The following C18orf63 variants were observed in gnomAD, a reference collection of about 807,000 sequenced individuals.
C18orf63 encodes chromosome 18 open reading frame 63.
In C18orf63, 50 loss-of-function variants were observed where a neutral mutation model predicts 75.3. The ratio of observed to expected loss-of-function variants is 0.66; its 90% CI spans 0.53 to 0.84. The LOEUF is 0.84. Ranked by LOEUF, C18orf63 falls within the 40% of genes least tolerant of loss-of-function variation. C18orf63 has a pLI of 0.00. For missense variants in C18orf63, 732 were observed against 800.2 expected, an observed-to-expected ratio of 0.91 and a Z score of 1.03; for synonymous variants, 232 against 267.6, an observed-to-expected ratio of 0.87 and a Z score of 1.30.
At chr18:74,326,052 T>C (rs1221310452) in intron 4 of C18orf63, among the ~76,000 whole-genome samples, 1 of 152,198 alleles carries the variant, frequency 6.6e-6, no homozygotes. Context: ...CCACCTGGCC[T>C]TCTGAGGAAG....
chr18:74,354,112 T>C lies in C18orf63; in HGVS notation c.1845T>C (p.Asn615=). ...GACTGCTACAGCAGCAATCAGAAAA[T>C]CAAGCTAAAGAAGTTGGTACAAGTG... The part of the protein sequence containing the change: ...DPRLLQQQSE[N]QAKEVGTSDH... Residue 615 remains asparagine (N), a synonymous_variant, in exon 12 of 14, where the codon AAT becomes AAC. Coordinates refer to ENST00000579455, the MANE Select transcript of C18orf63 (RefSeq NM_001174123.2). The C allele has an allele frequency of 6.5e-7, 1 of 1,536,024 alleles. No homozygotes were observed. Among genetic ancestry groups the C allele is most frequent in the Non-Finnish European group, 8.7e-7 (1 of 1,146,898 alleles).
chr18:74,355,801 G>A (rs1240694113), intron 13 of C18orf63, among the ~76,000 whole-genome samples: 1 of 152,152 alleles, frequency 6.6e-6, no homozygotes, highest in Non-Finnish European at 1.5e-5. Flanking sequence ...AGGAGGCTGA[G>A]GCAGAAGAAT....
intron 13 of C18orf63, 31 bp from the exon 14 acceptor site, chr18:74,356,450 G>GTAAAAAAC (rs1984766602): frequency 6.6e-6 from 1 of 152,522 alleles, no homozygotes; most frequent in African/African-American, 2.4e-5. Flanking sequence ...CAAGAAAAAA[G>GTAAAAAAC]TAAAAAACCA....
In C18orf63 at chr18:74,317,848, A is replaced by G; in HGVS notation, c.-18A>G. 6.6e-7 allele frequency: 1 copy of G among 1,515,028 alleles called. No homozygotes were observed. The highest frequency in any genetic ancestry group is 8.8e-7 in the Non-Finnish European group (1 of 1,137,102). The allele number at this position is 1,515,028 out of a possible 1,614,324, so 93.8% of individuals were successfully genotyped here. A position where few individuals can be genotyped will look rare whatever the true frequency, so the allele number is the denominator to read the frequency against. On this transcript the variant is annotated 5_prime_UTR_variant, in exon 2 of 14. Coordinates refer to ENST00000579455, the MANE Select transcript of C18orf63 (RefSeq NM_001174123.2). ...TATTTTTAAAGGCCTGATTGCTGAG[A>G]CACTCAGTCAGGAAAGTATGAATGA... is the stretch of plus-strand genomic sequence containing the variant.
chr18:74,345,872 AT>A (rs1984565441), intron 11 of C18orf63, among the ~76,000 whole-genome samples: 1 of 151,956 alleles, frequency 6.6e-6, no homozygotes, highest in East Asian at 1.9e-4. Flanking sequence ...GATTTTTGAA[AT>A]CTGATAAAGC....
At position 74,357,417 on chromosome 18, in the gene C18orf63, AAG is replaced by A. The variant is rs1335751118; in HGVS notation, c.*974_*975del. ...AATAAATTATCTAACATTTGAAAAA[AAG>A]AGAAACAGAAGTGGAGCTTCTCAGA... is the stretch of plus-strand genomic sequence containing the variant. On this transcript the variant is annotated 3_prime_UTR_variant, in exon 14 of 14. Coordinates refer to ENST00000579455, the MANE Select transcript of C18orf63 (RefSeq NM_001174123.2). The A allele has an allele frequency of 2.6e-5, 4 of 152,358 alleles. No individual in the cohort carries two copies. The East Asian group carries it at 7.7e-4, about 29-fold the overall frequency. 9.4% of individuals were successfully genotyped at this position (152,358 alleles called of 1,614,324 possible).
chr18:74,320,476 A>G (rs1477640482), intron 2 of C18orf63, 37 bp from the exon 3 acceptor site: 5 of 1,413,914 alleles, frequency 3.5e-6, no homozygotes, highest in South Asian at 1.3e-5. Context: ...GAACCAAACC[A>G]TACCAGTCCA....
Position 74,322,747 on chromosome 18 carries a change from GAGCTA to G in C18orf63, c.266_270del (p.Ala89AspfsTer23). ...CTTAATGCCTATGTTGAAAAATATG[GAGCTA>G]AGGTAAGTGTTAAAAAATGATATTA... is the stretch of plus-strand genomic sequence containing the variant. On this transcript the variant is annotated frameshift_variant and splice_region_variant, in exon 4 of 14. Coordinates refer to ENST00000579455, the MANE Select transcript of C18orf63 (RefSeq NM_001174123.2). LOFTEE classifies it high-confidence loss of function. The G allele has an allele frequency of 1.5e-6, 2 of 1,318,642 alleles. No individual in the cohort carries two copies. Among genetic ancestry groups the G allele is most frequent in the Non-Finnish European group, 2.1e-6 (2 of 971,540 alleles). The allele number at this position is 1,318,642 out of a possible 1,614,324, so 81.7% of individuals were successfully genotyped here. A position where few individuals can be genotyped will look rare whatever the true frequency, so the allele number is the denominator to read the frequency against.
In C18orf63 at chr18:74,357,617, G is replaced by C. The variant is rs1483811187; in HGVS notation, c.*1170G>C. ...CAAGTATAAGTTGAACTCTGATTTTGTAAATGTGATTTATTGTCTCCACCA... is the reference window on the plus strand; with the variant it reads ...CAAGTATAAGTTGAACTCTGATTTTCTAAATGTGATTTATTGTCTCCACCA... On this transcript the variant is annotated 3_prime_UTR_variant, in exon 14 of 14. Coordinates refer to ENST00000579455, the MANE Select transcript of C18orf63 (RefSeq NM_001174123.2). The C allele has an allele frequency of 1.3e-5, 2 of 152,136 alleles. No individual in the cohort carries two copies. The highest frequency in any genetic ancestry group is 2.9e-5 in the Non-Finnish European group (2 of 68,006). The allele number at this position is 152,136 out of a possible 1,614,324, so 9.4% of individuals were successfully genotyped here.
intron 2 of C18orf63, 73 bp from the exon 3 acceptor site, chr18:74,320,440 C>T: frequency 9.8e-7 from 1 of 1,022,812 alleles, no homozygotes; most frequent in Non-Finnish European, 1.4e-6. Context: ...GATTATAATT[C>T]AACATGAGAT....
chr18:74,352,606 A>T (rs1354732278), intron 11 of C18orf63, among the ~76,000 whole-genome samples: 1 of 152,184 alleles, frequency 6.6e-6, no homozygotes, highest in African/African-American at 2.4e-5. Flanking sequence ...TCAAAATCCC[A>T]CTTATTCCTA....
At chr18:74,347,545 C>T (rs1984593919) in intron 11 of C18orf63, among the ~76,000 whole-genome samples, 1 of 152,106 alleles carries the variant, frequency 6.6e-6, no homozygotes, top group African/African-American at 2.4e-5. Flanking sequence ...GTAAGTCCTT[C>T]CTTTGAAGGG....
rs369142532 is a variant in C18orf63, at chr18:74,341,987, A to C, written c.612-45A>C. On this transcript the variant is annotated intron_variant, in intron 8 of 13. Coordinates refer to ENST00000579455, the MANE Select transcript of C18orf63 (RefSeq NM_001174123.2). ...AATCATGTAGTTGACTTATTAAACT[A>C]TATTTAAGCATTGGCTCATAATAGC... The C allele has an allele frequency of 2.7e-3, 2,521 of 925,284 alleles. 11 individuals carry two copies. Among genetic ancestry groups the C allele is most frequent in the Middle Eastern group, 7.1e-3 (33 of 4,628 alleles). 57.3% of individuals were successfully genotyped at this position (925,284 alleles called of 1,614,324 possible).
chr18:74,319,978 C>T (rs1470837744), intron 2 of C18orf63, among the ~76,000 whole-genome samples: 1 of 152,192 alleles, frequency 6.6e-6, no homozygotes, highest in Non-Finnish European at 1.5e-5. Context: ...GTACCTACAC[C>T]TACACTGTTC....
rs1322274666 is a variant in C18orf63, at chr18:74,357,766, A to G, written c.*1319A>G. The G allele has an allele frequency of 6.6e-6, 1 of 152,224 alleles. No individual in the cohort carries two copies. Among genetic ancestry groups the G allele is most frequent in the African/African-American group, 2.4e-5 (1 of 41,448 alleles). 9.4% of individuals were successfully genotyped at this position (152,224 alleles called of 1,614,324 possible). ...TTTGCTATATACCTTTATTGTAAGC[A>G]TTTCTGTTTTCCAGAATTATCTCTA... On this transcript the variant is annotated 3_prime_UTR_variant, in exon 14 of 14. Transcript: ENST00000579455.
At chr18:74,353,137 C>CAT in intron 11 of C18orf63, 109 bp from the exon 12 acceptor site, 16 of 760,314 alleles carry the variant, frequency 2.1e-5, no homozygotes, top group Non-Finnish European at 3.3e-5. Flanking sequence ...TTCTGTAAAT[C>CAT]ATAGTGTTGC....
At chr18:74,330,823 G>GT (rs779900494) in intron 6 of C18orf63, 43 bp from the exon 7 acceptor site, 7 of 721,350 alleles carry the variant, frequency 9.7e-6, no homozygotes, top group Middle Eastern at 2.7e-4. Context: ...TAATAGTAGA[G>GT]TAATAATTCC....
At chr18:74,340,828 A>AT (rs573577432) in intron 8 of C18orf63, among the ~76,000 whole-genome samples, 74 of 152,224 alleles carry the variant, frequency 4.9e-4, no homozygotes, top group African/African-American at 1.7e-3. Flanking sequence ...AGAGAGTAGA[A>AT]TAGTGCTTAC....
chr18:74,319,088 TC>T (rs1984075599), intron 2 of C18orf63, among the ~76,000 whole-genome samples: 6 of 152,212 alleles, frequency 3.9e-5, no homozygotes, highest in Non-Finnish European at 7.3e-5. Context: ...CCTGTACCCT[TC>T]CTGCTAAAGT....
Sources: allele counts gnomAD v4.1 joint callset (sites outside exome capture counted in the v4.1 genomes callset), GRCh38; gene constraint gnomAD v4.1.1; transcripts MANE v1.5; gene names NCBI Gene and HGNC (gene_info 2026-07-23, HGNC 2026-07-21).